SGCZ: variants seen among roughly 807,000 people sequenced by gnomAD.
SGCZ encodes the protein sarcoglycan zeta, also known as zeta-sarcoglycan.
SGCZ carries 40 observed loss-of-function variants against 41.3 expected under a neutral mutation model. The ratio of observed to expected loss-of-function variants is 0.97; its 90% CI spans 0.75 to 1.26. The LOEUF is 1.26. SGCZ is among the 50% of genes most tolerant of loss of function. The pLI, the probability that SGCZ is intolerant of heterozygous loss-of-function variation, is 0.00. For synonymous variants in SGCZ, 206 were observed against 137.5 expected (o/e 1.50, Z -3.49); for missense variants, 552 against 369.8 (o/e 1.49, Z -4.04).
chr8:14,282,115 C>T (rs1035898626), intron 3 of SGCZ, among the ~76,000 whole-genome samples: 2 of 133,684 alleles, frequency 1.5e-5, no homozygotes, highest in South Asian at 2.6e-4. Context: ...TAAAAGTTGA[C>T]TGCACATCTA....
In SGCZ at chr8:14,328,548, T is replaced by C. The variant is rs77133170; in HGVS notation, c.235-4344A>G. Among the ~76,000 whole-genome samples, 829 of 152,332 alleles carry C rather than the reference T, an allele frequency of 5.4e-3. 23 individuals carry two copies. In the East Asian group the frequency reaches 0.064, roughly 12 times the overall value. On this transcript the variant is annotated intron_variant, in intron 2 of 7. Transcript: ENST00000382080. ...AAAGCTTAAAATAGTGCCTAATTTA[T>C]GTCAAACTACTCAATAGTTTTAACT... is the stretch of plus-strand genomic sequence containing the variant.
chr8:14,814,620 G>C (rs189935754), intron 1 of SGCZ, among the ~76,000 whole-genome samples: 1 of 152,248 alleles, frequency 6.6e-6, no homozygotes, highest in East Asian at 1.9e-4. Flanking sequence ...ATTATTTTAA[G>C]AGTTCAGAGA....
chr8:14,512,450 C>G (rs10101607), intron 2 of SGCZ, among the ~76,000 whole-genome samples: 2,498 of 151,918 alleles, frequency 0.016, 63 homozygotes, highest in African/African-American at 0.058. Context: ...CAGCTGATGC[C>G]CCAAATCCAT....
At chr8:14,157,467 T>C (rs1803913290) in intron 5 of SGCZ, among the ~76,000 whole-genome samples, 1 of 151,046 alleles carries the variant, frequency 6.6e-6, no homozygotes, top group African/African-American at 2.4e-5. Flanking sequence ...TGAGCATTTT[T>C]CTTACTCTCT....
chr8:15,016,543 C>T (rs916979171), intron 1 of SGCZ, among the ~76,000 whole-genome samples: 10 of 152,294 alleles, frequency 6.6e-5, no homozygotes, highest in East Asian at 1.9e-4. Flanking sequence ...AGACCAGGAA[C>T]GCACTGTTAT....
chr8:15,221,755 T>G (rs1000298112), intron 1 of SGCZ, among the ~76,000 whole-genome samples: 10 of 152,164 alleles, frequency 6.6e-5, no homozygotes, highest in African/African-American at 2.4e-4. Context: ...TAAACAAAAT[T>G]TAACTCATCT....
chr8:14,440,735 A>G (rs867981661), intron 2 of SGCZ, among the ~76,000 whole-genome samples: 1 of 114,124 alleles, frequency 8.8e-6, no homozygotes, highest in South Asian at 2.3e-4. Flanking sequence ...GTATATGTAT[A>G]TATGTATATA....
chr8:14,874,559 A>G (rs1804278056), intron 1 of SGCZ, among the ~76,000 whole-genome samples: 2 of 152,160 alleles, frequency 1.3e-5, no homozygotes, highest in Non-Finnish European at 2.9e-5. Flanking sequence ...TGATTTATAT[A>G]GATAAGTAAA....
chr8:14,618,348 T>A (rs1030794779), intron 1 of SGCZ, among the ~76,000 whole-genome samples: 9 of 152,166 alleles, frequency 5.9e-5, no homozygotes, highest in African/African-American at 2.2e-4. Context: ...AGGCAAGCCC[T>A]GTAGAAAGAA....
rs1163969499 is a variant in SGCZ at position 14,398,603 on chromosome 8, G to T, written c.235-74399C>A. Among the ~76,000 whole-genome samples, 3 of 151,554 alleles carry T rather than the reference G, an allele frequency of 2.0e-5. No individual in the cohort carries two copies. The East Asian group carries it at 5.8e-4, about 29-fold the overall frequency. Reference sequence around the variant, plus strand: ...TCCAAGTTGCCTTGGGGAGTGCTCTGGGAGAACAAAGAAAAGGCTCAAGAT... The same window carrying T: ...TCCAAGTTGCCTTGGGGAGTGCTCTTGGAGAACAAAGAAAAGGCTCAAGAT... On this transcript the variant is annotated intron_variant, in intron 2 of 7. Transcript: ENST00000382080.
At chr8:14,146,890 A>AAAAAAAAAAAAAT (rs1182329393) in intron 5 of SGCZ, among the ~76,000 whole-genome samples, 7 of 116,180 alleles carry the variant, frequency 6.0e-5, no homozygotes, top group African/African-American at 2.5e-4. Flanking sequence ...AAAATAAAAA[A>AAAAAAAAAAAAAT]AATAATAATA....
chr8:14,525,515 T>C (rs543364927), intron 2 of SGCZ, among the ~76,000 whole-genome samples: 11 of 152,164 alleles, frequency 7.2e-5, no homozygotes, highest in African/African-American at 2.7e-4. Context: ...CATTTTCATG[T>C]AAAGACAATT....
chr8:14,432,599 C>G (rs1799974011), intron 2 of SGCZ, among the ~76,000 whole-genome samples: 2 of 152,008 alleles, frequency 1.3e-5, no homozygotes, highest in African/African-American at 2.4e-5. Context: ...ATGGGTGCAC[C>G]AAAATCTCAC....
At chr8:14,119,130 T>C (rs1035064152) in intron 5 of SGCZ, among the ~76,000 whole-genome samples, 1 of 152,174 alleles carries the variant, frequency 6.6e-6, no homozygotes, top group Non-Finnish European at 1.5e-5. Context: ...GGGATAGCAT[T>C]GAATCTATAA....
At chr8:14,535,963 C>G (rs746319382) in intron 2 of SGCZ, among the ~76,000 whole-genome samples, 1 of 151,624 alleles carries the variant, frequency 6.6e-6, no homozygotes, top group Non-Finnish European at 1.5e-5. Context: ...TACATAGTTT[C>G]AAAATATAAG....
At chr8:15,086,076 A>G (rs980163764) in intron 1 of SGCZ, among the ~76,000 whole-genome samples, 1 of 152,218 alleles carries the variant, frequency 6.6e-6, no homozygotes, top group Non-Finnish European at 1.5e-5. Flanking sequence ...TTCCATGGAT[A>G]TTGCATAATA....
chr8:14,790,240 C>G (rs1033471650), intron 1 of SGCZ, among the ~76,000 whole-genome samples: 8 of 151,978 alleles, frequency 5.3e-5, no homozygotes, highest in African/African-American at 1.7e-4. Flanking sequence ...ATACCAAAGA[C>G]CAAAAAGTAA....
At chr8:14,992,741 TC>T (rs60740808) in intron 1 of SGCZ, among the ~76,000 whole-genome samples, 7,883 of 122,252 alleles carry the variant, frequency 0.064, 1,008 homozygotes, top group African/African-American at 0.19. Context: ...AAACCAGTGT[TC>T]CCCCTTGATA....
intron 1 of SGCZ, among the ~76,000 whole-genome samples, chr8:15,140,063 C>A (rs1487251880): frequency 6.6e-6 from 1 of 152,010 alleles, no homozygotes; most frequent in East Asian, 1.9e-4. Flanking sequence ...CACTGTTGCC[C>A]AGGCTGGAGT....
Sources: allele counts gnomAD v4.1 joint callset (sites outside exome capture counted in the v4.1 genomes callset), GRCh38; gene constraint gnomAD v4.1.1; transcripts MANE v1.5; gene names NCBI Gene and HGNC (gene_info 2026-07-23, HGNC 2026-07-21).